CUL5: variants seen among roughly 807,000 people sequenced by gnomAD.
CUL5 encodes the protein cullin-5.
CUL5 carries 26 observed loss-of-function variants against 108.8 expected under a neutral mutation model. The observed-to-expected ratio is 0.24, with a 90% CI of 0.18 to 0.33. The LOEUF is 0.33. CUL5 is among the 10% of genes least tolerant of loss of function. CUL5 has a pLI of 1.00. For missense variants in CUL5, 524 were observed against 909.2 expected (o/e 0.58, Z 5.45); for synonymous variants, 334 against 298.0 (o/e 1.12, Z -1.25).
At chr11:108,077,023 G>A (rs899797039) in intron 10 of CUL5, among the ~76,000 whole-genome samples, 1 of 152,154 alleles carries the variant, frequency 6.6e-6, no homozygotes, top group African/African-American at 2.4e-5. Context: ...GAATGGAGCT[G>A]GAAAAATATG....
chr11:108,009,214 TG>T lies in CUL5; in HGVS notation c.-134del. 1 of 868,794 alleles carries T rather than the reference TG, an allele frequency of 1.2e-6. No homozygotes were observed. The highest frequency in any genetic ancestry group is 2.6e-5 in the East Asian group (1 of 38,990). The allele number at this position is 868,794 out of a possible 1,614,324, so 53.8% of individuals were successfully genotyped here. A position where few individuals can be genotyped will look rare whatever the true frequency, so the allele number is the denominator to read the frequency against. ...GACGAGGTCAGCGCTGTCGGCGCGC[TG>T]CTCCAGCGCCCACCACACCCTGGTG... On this transcript the variant is annotated 5_prime_UTR_variant, in exon 1 of 19. Transcript: ENST00000393094.
chr11:108,034,011 C>A (rs1862661206), intron 2 of CUL5, 100 bp downstream of exon 2: 1 of 734,400 alleles, frequency 1.4e-6, no homozygotes, highest in Non-Finnish European at 2.3e-6. Flanking sequence ...ATCTGTTTAC[C>A]TATTAAAAAG....
chr11:108,028,711 C>G (rs764242122), intron 1 of CUL5, among the ~76,000 whole-genome samples: 2 of 152,016 alleles, frequency 1.3e-5, no homozygotes, highest in Non-Finnish European at 2.9e-5. Flanking sequence ...TGGTGCACAC[C>G]TGTAATCCCA....
chr11:108,094,159 T>C (rs914423706), intron 13 of CUL5, among the ~76,000 whole-genome samples: 10 of 152,236 alleles, frequency 6.6e-5, no homozygotes, highest in African/African-American at 2.4e-4. Context: ...TTAACTGTAC[T>C]GTGGTAACTG....
At chr11:108,044,253 A>C (rs930577992) in intron 2 of CUL5, among the ~76,000 whole-genome samples, 2 of 152,176 alleles carry the variant, frequency 1.3e-5, no homozygotes, top group African/African-American at 4.8e-5. Flanking sequence ...CCAGTGGCTC[A>C]TGCCTATATG....
chr11:108,106,123 CTAAT>C lies in CUL5; in HGVS notation c.*1742_*1745del, dbSNP rs1864794817. On this transcript the variant is annotated 3_prime_UTR_variant, in exon 19 of 19. Coordinates refer to ENST00000393094, the MANE Select transcript of CUL5 (RefSeq NM_003478.6). ...CTAAAATTAATACGTACAGTTTTCT[CTAAT>C]TAGGTGACTGTTCATAATGGGTATA... The C allele has an allele frequency of 9.8e-5, 15 of 152,454 alleles. No individual in the cohort carries two copies. The South Asian group carries it at 2.9e-3, about 29-fold the overall frequency. The allele number at this position is 152,454 out of a possible 1,614,324, so 9.4% of individuals were successfully genotyped here.
rs893409981 is a variant in CUL5, at chr11:108,105,966, C to G, written c.*1582C>G. On this transcript the variant is annotated 3_prime_UTR_variant, in exon 19 of 19. Transcript: ENST00000393094. The stretch of plus-strand genomic sequence containing the variant: ...GAATGGAAGGAAAGCAACTTTAAAA[C>G]ATTTAGAGTTTTGCTGAGTATAGCC... 5.3e-5 allele frequency: 8 copies of G among 152,144 alleles called. No homozygotes were observed. Among genetic ancestry groups the G allele is most frequent in the Non-Finnish European group, 1.2e-4 (8 of 68,008 alleles). The allele number at this position is 152,144 out of a possible 1,614,324, so 9.4% of individuals were successfully genotyped here.
At chr11:108,054,159 A>G (rs1228489588) in intron 5 of CUL5, among the ~76,000 whole-genome samples, 1 of 152,130 alleles carries the variant, frequency 6.6e-6, no homozygotes, top group African/African-American at 2.4e-5. Context: ...ATTTTTCTGT[A>G]GACACATGAT....
chr11:108,100,709 C>A (rs1864637584), intron 18 of CUL5, among the ~76,000 whole-genome samples: 1 of 152,158 alleles, frequency 6.6e-6, no homozygotes, highest in African/African-American at 2.4e-5. Context: ...ATATTCGTAG[C>A]TATGCCAGGA....
At chr11:108,030,591 C>T (rs887694635) in intron 1 of CUL5, among the ~76,000 whole-genome samples, 1 of 152,138 alleles carries the variant, frequency 6.6e-6, no homozygotes, top group African/African-American at 2.4e-5. Context: ...GAGCTGAGAT[C>T]GTGCCACCGC....
chr11:108,054,991 A>G (rs1565249111), intron 7 of CUL5, 36 bp downstream of exon 7: 1 of 1,381,598 alleles, frequency 7.2e-7, no homozygotes, highest in Non-Finnish European at 1.0e-6. Context: ...TTATGGGATT[A>G]TTTGAAATAC....
Position 108,104,422 on chromosome 11 carries a change from T to C in CUL5, c.*38T>C. ...TGGACAATATTTAGAACCCAAATTT[T>C]GGAGTGCTTGGGCAGAAAGTTGTAA... On this transcript the variant is annotated 3_prime_UTR_variant, in exon 19 of 19. Coordinates refer to ENST00000393094, the MANE Select transcript of CUL5 (RefSeq NM_003478.6). The C allele has an allele frequency of 7.6e-7, 1 of 1,323,624 alleles. No homozygotes were observed. The highest frequency in any genetic ancestry group is 1.7e-5 in the South Asian group (1 of 60,132). The allele number at this position is 1,323,624 out of a possible 1,614,324, so 82.0% of individuals were successfully genotyped here.
At position 108,094,532 on chromosome 11, in the gene CUL5, C is replaced by A; in HGVS notation, c.1567+18C>A. The A allele has an allele frequency of 8.0e-7, 1 of 1,242,484 alleles. No homozygotes were observed. Among genetic ancestry groups the A allele is most frequent in the South Asian group, 1.5e-5 (1 of 65,902 alleles). 77.0% of individuals were successfully genotyped at this position (1,242,484 alleles called of 1,614,324 possible). On this transcript the variant is annotated intron_variant, in intron 14 of 18. Coordinates refer to ENST00000393094, the MANE Select transcript of CUL5 (RefSeq NM_003478.6). ...ATTACCAGGTATTATTTTATAATTA[C>A]ATGTATATATTTTTTAAACTTAGAA...
chr11:108,034,016 A>G, intron 2 of CUL5, 105 bp downstream of exon 2: 2 of 703,662 alleles, frequency 2.8e-6, no homozygotes, highest in Middle Eastern at 2.5e-4. Context: ...TTTACCTATT[A>G]AAAAGTATTA....
chr11:108,089,859 G>A (rs1291828475), intron 13 of CUL5, among the ~76,000 whole-genome samples: 3 of 151,822 alleles, frequency 2.0e-5, no homozygotes, highest in Non-Finnish European at 2.9e-5. Context: ...GACCAACATG[G>A]CAAAACCGCG....
chr11:108,037,188 G>A (rs1210789866), intron 2 of CUL5, among the ~76,000 whole-genome samples: 2 of 152,000 alleles, frequency 1.3e-5, no homozygotes, highest in Non-Finnish European at 2.9e-5. Context: ...AGCATGGCCA[G>A]AAACTGCCAG....
intron 1 of CUL5, among the ~76,000 whole-genome samples, chr11:108,030,376 G>A (rs891212547): frequency 2.0e-5 from 3 of 152,310 alleles, no homozygotes; most frequent in East Asian, 1.9e-4. Flanking sequence ...GGTGGCTCAC[G>A]CCTGTAATCC....
intron 4 of CUL5, among the ~76,000 whole-genome samples, chr11:108,050,708 C>T (rs927688755): frequency 6.6e-6 from 1 of 152,182 alleles, no homozygotes; most frequent in Non-Finnish European, 1.5e-5. Context: ...CTCCCTGTCT[C>T]AAAAATCCCC....
chr11:108,033,478 C>T (rs886977011), intron 1 of CUL5, among the ~76,000 whole-genome samples: 15 of 152,108 alleles, frequency 9.9e-5, no homozygotes, highest in African/African-American at 3.4e-4. Flanking sequence ...CCAGTATGAC[C>T]CAAGGCCTCC....
Sources: gnomAD v4.1 joint callset for allele counts (sites outside exome capture counted in the v4.1 genomes callset) on GRCh38, gnomAD v4.1.1 for gene constraint, MANE v1.5 for transcripts, NCBI Gene and HGNC (gene_info 2026-07-23, HGNC 2026-07-21) for gene names.